Variants in NDST3 observed in about 807,000 individuals in gnomAD.
NDST3 encodes N-deacetylase and N-sulfotransferase 3, also known as bifunctional heparan sulfate N-deacetylase/N-sulfotransferase 3.
In NDST3, 58 loss-of-function variants were observed where a neutral mutation model predicts 96.1. The ratio of observed to expected loss-of-function variants is 0.60; its 90% CI spans 0.49 to 0.75. The LOEUF (loss-of-function observed/expected upper bound fraction) is 0.75, where lower values mean the gene tolerates loss of function less well. Among genes scored for constraint, NDST3 ranks in the 30% least tolerant of loss-of-function variants. The probability of loss-of-function intolerance (pLI) is 0.00; values close to 1 mark genes in which losing one functional copy is unlikely to be tolerated. For synonymous variants in NDST3, 333 were observed against 359.7 expected (o/e 0.93, Z 0.84); for missense variants, 788 against 1,034.2 (o/e 0.76, Z 3.27).
At chr4:118,199,692 C>T (rs1057430285) in intron 6 of NDST3, among the ~76,000 whole-genome samples, 1 of 151,898 alleles carries the variant, frequency 6.6e-6, no homozygotes, top group Non-Finnish European at 1.5e-5. Flanking sequence ...CTCTTTATAC[C>T]CATTCTTCCT....
intron 7 of NDST3, 21 bp downstream of exon 7, chr4:118,224,694 G>T: frequency 6.5e-7 from 1 of 1,528,178 alleles, no homozygotes; most frequent in Non-Finnish European, 8.8e-7. Context: ...TTAAATAATT[G>T]ATATAACCAG....
chr4:118,089,390 C>T (rs771972339), intron 2 of NDST3, among the ~76,000 whole-genome samples: 8 of 151,958 alleles, frequency 5.3e-5, no homozygotes, highest in Non-Finnish European at 1.2e-4. Context: ...TTATCCTGGA[C>T]TTCTGGTGTC....
rs950677319 is a variant in NDST3 at position 118,084,437 on chromosome 4, T to C, written c.982-20581T>C. Reference sequence around the variant, plus strand: ...GCCCCTTTTTGTACCAAAGCCTATTTCTGGATCCATAGGCTCAGTCAACAT... The same window carrying C: ...GCCCCTTTTTGTACCAAAGCCTATTCCTGGATCCATAGGCTCAGTCAACAT... On this transcript the variant is annotated intron_variant, in intron 2 of 13. Coordinates refer to ENST00000296499, the MANE Select transcript of NDST3 (RefSeq NM_004784.3). Among the ~76,000 whole-genome samples, 24 of 152,316 alleles carry C rather than the reference T, an allele frequency of 1.6e-4. No homozygotes were observed. In the East Asian group the frequency reaches 4.6e-3, roughly 29 times the overall value.
At chr4:118,112,998 GA>G (rs1364237165) in intron 3 of NDST3, among the ~76,000 whole-genome samples, 1 of 150,830 alleles carries the variant, frequency 6.6e-6, no homozygotes, top group African/African-American at 2.4e-5. Context: ...TTATAATGAG[GA>G]AAAAAAAACT....
At chr4:118,251,099 T>TATTTA in intron 12 of NDST3, among the ~76,000 whole-genome samples, 1 of 144,804 alleles carries the variant, frequency 6.9e-6, no homozygotes, top group East Asian at 2.0e-4. Context: ...TTTATTTATT[T>TATTTA]ATTTATTTAT....
At chr4:118,087,353 G>C (rs972940088) in intron 2 of NDST3, among the ~76,000 whole-genome samples, 1 of 152,022 alleles carries the variant, frequency 6.6e-6, no homozygotes, top group Non-Finnish European at 1.5e-5. Context: ...AGATCACTAC[G>C]AAGGCAGGGA....
chr4:118,046,576 G>A (rs1295107658), intron 1 of NDST3, among the ~76,000 whole-genome samples: 1 of 152,196 alleles, frequency 6.6e-6, no homozygotes, highest in African/African-American at 2.4e-5. Context: ...AGCCTCTGCT[G>A]CCCAGCCTGG....
At chr4:118,078,046 G>T (rs185864369) in intron 2 of NDST3, among the ~76,000 whole-genome samples, 3 of 152,330 alleles carry the variant, frequency 2.0e-5, no homozygotes, top group Admixed American at 2.0e-4. Context: ...TGTGGGGGAT[G>T]GAGCGGGCAT....
At chr4:118,058,446 A>AAAC (rs1491131261) in intron 2 of NDST3, among the ~76,000 whole-genome samples, 8 of 145,984 alleles carry the variant, frequency 5.5e-5, no homozygotes, top group Admixed American at 1.4e-4. Flanking sequence ...AAAAAAAAAA[A>AAAC]CAGACCTAAG....
chr4:118,227,245 CA>C (rs1739953784), intron 8 of NDST3, among the ~76,000 whole-genome samples: 1 of 140,928 alleles, frequency 7.1e-6, no homozygotes, highest in Non-Finnish European at 1.6e-5. Context: ...TTTTCCCCCC[CA>C]AATGTTTTAA....
chr4:118,169,793 CAA>C (rs55684244), intron 6 of NDST3, among the ~76,000 whole-genome samples: 26 of 117,276 alleles, frequency 2.2e-4, no homozygotes, highest in Admixed American at 2.7e-4. Context: ...GACTCCATCT[CAA>C]AAAAAAAAAA....
At chr4:118,193,122 A>T (rs137930069) in intron 6 of NDST3, among the ~76,000 whole-genome samples, 1 of 152,124 alleles carries the variant, frequency 6.6e-6, no homozygotes, top group Non-Finnish European at 1.5e-5. Context: ...GGACCTAACA[A>T]ACAGAAGGAG....
intron 6 of NDST3, among the ~76,000 whole-genome samples, chr4:118,205,449 C>T (rs1738374634): frequency 6.9e-6 from 1 of 144,456 alleles, no homozygotes; most frequent in Non-Finnish European, 1.5e-5. Context: ...ATATTCCACC[C>T]ATAATTTGCT....
At chr4:118,069,188 G>A (rs1170721084) in intron 2 of NDST3, among the ~76,000 whole-genome samples, 1 of 152,052 alleles carries the variant, frequency 6.6e-6, no homozygotes, top group Non-Finnish European at 1.5e-5. Flanking sequence ...ATGATCAGGA[G>A]GTGTAAGAGT....
chr4:118,156,488 G>A (rs904219941), intron 6 of NDST3, among the ~76,000 whole-genome samples: 1 of 152,044 alleles, frequency 6.6e-6, no homozygotes, highest in Non-Finnish European at 1.5e-5. Context: ...CAAAAGTTTT[G>A]GCACATAGTA....
chr4:118,156,880 T>A lies in NDST3; in HGVS notation c.1539+13196T>A, dbSNP rs180725048. Among the ~76,000 whole-genome samples, 34 of 152,286 alleles carry A rather than the reference T, an allele frequency of 2.2e-4. 1 individual carries two copies. Among genetic ancestry groups the A allele is most frequent in the Non-Finnish European group, 1.3e-4 (9 of 68,012 alleles). On this transcript the variant is annotated intron_variant, in intron 6 of 13. Coordinates refer to ENST00000296499, the MANE Select transcript of NDST3 (RefSeq NM_004784.3). ...ATGGTACAACCCTAATGGAAGAAAT[T>A]TAACAACATCTAACAAATCTACATA...
intron 11 of NDST3, 127 bp downstream of exon 11, chr4:118,240,821 G>C: frequency 1.2e-6 from 1 of 836,652 alleles, no homozygotes; most frequent in East Asian, 2.7e-5. Flanking sequence ...AAATAATGAG[G>C]CTATGGCAAA....
chr4:118,226,052 T>C (rs987539944), intron 7 of NDST3, among the ~76,000 whole-genome samples: 6 of 152,024 alleles, frequency 3.9e-5, no homozygotes, highest in Admixed American at 3.9e-4. Context: ...TTAACATCTG[T>C]TGCTTATTAA....
At chr4:118,048,327 C>T (rs1250784566) in intron 1 of NDST3, among the ~76,000 whole-genome samples, 3 of 152,200 alleles carry the variant, frequency 2.0e-5, no homozygotes, top group South Asian at 4.2e-4. Flanking sequence ...ATCAAGTCTT[C>T]ATAACAACCA....
Sources: allele counts gnomAD v4.1 joint callset (sites outside exome capture counted in the v4.1 genomes callset), GRCh38; gene constraint gnomAD v4.1.1; transcripts MANE v1.5; gene names NCBI Gene and HGNC (gene_info 2026-07-23, HGNC 2026-07-21).